The following HDAC4 variants were observed in gnomAD, a reference collection of about 807,000 sequenced individuals.
HDAC4 encodes histone deacetylase 4, also known as histone deacetylase A.
Under a neutral mutation model 135.1 loss-of-function variants are expected in HDAC4, and 16 were observed. The observed-to-expected ratio is 0.12, with a 90% CI of 0.08 to 0.18. The LOEUF (loss-of-function observed/expected upper bound fraction) is 0.18. Among genes scored for constraint, HDAC4 ranks in the 10% least tolerant of loss-of-function variants. HDAC4 has a pLI of 1.00. For missense variants in HDAC4, 1,143 were observed against 1,511.8 expected, an observed-to-expected ratio of 0.76 and a Z score of 4.05; for synonymous variants, 685 against 653.4, an observed-to-expected ratio of 1.05 and a Z score of -0.74.
chr2:239,193,123 G>A (rs1287469402), intron 3 of HDAC4, among the ~76,000 whole-genome samples: 2 of 152,170 alleles, frequency 1.3e-5, no homozygotes, highest in Non-Finnish European at 2.9e-5. Flanking sequence ...CCTGTGTGGG[G>A]GGCCTGGGTG....
At position 239,115,787 on chromosome 2, in the gene HDAC4, G is replaced by A. The variant is rs997156683; in HGVS notation, c.1534-477C>T. Among the ~76,000 whole-genome samples, 6 of 152,166 alleles carry A rather than the reference G, an allele frequency of 3.9e-5. No individual in the cohort carries two copies. Among genetic ancestry groups the A allele is most frequent in the African/African-American group, 1.2e-4 (5 of 41,538 alleles). On this transcript the variant is annotated intron_variant, in intron 12 of 26. Transcript: ENST00000543185. This position sits in a 1 kb window ranked among gnomAD's most constrained non-coding sequence, Gnocchi z 6.3. ...CTGCCCAATCCCACCAACACGCCAC[G>A]GCCTCCCCTCCTGCAGGATCCCACC... is the stretch of plus-strand genomic sequence containing the variant.
chr2:239,054,427 C>T (rs930801626), intron 25 of HDAC4, among the ~76,000 whole-genome samples: 2 of 152,232 alleles, frequency 1.3e-5, no homozygotes, highest in South Asian at 4.1e-4. Context: ...GGTACAGGCT[C>T]ACAGCCATGG....
chr2:239,340,193 C>G lies in HDAC4; in HGVS notation c.22+12485G>C, dbSNP rs114797482. 9.8e-3 allele frequency among the ~76,000 whole-genome samples: 1,498 copies of G among 152,262 alleles called. 24 individuals are homozygous for G. Among genetic ancestry groups the G allele is most frequent in the African/African-American group, 0.034 (1,414 of 41,538 alleles). ...TCCCTGAGCCTCAGCTACACCAAGC[C>G]AGTCACAGGGCAGTGAGCTCAGCTG... is the stretch of plus-strand genomic sequence containing the variant. On this transcript the variant is annotated intron_variant, in intron 2 of 26. Transcript: ENST00000543185.
chr2:239,081,440 T>C (rs1330768626), intron 21 of HDAC4, among the ~76,000 whole-genome samples: 1 of 152,220 alleles, frequency 6.6e-6, no homozygotes, highest in Admixed American at 6.5e-5. Context: ...ACCCTGCCCT[T>C]GGCACACCAA....
rs1693254810 is a variant in HDAC4, at chr2:239,352,891, A to G, written c.-192T>C. 4 of 637,686 alleles carry G rather than the reference A, an allele frequency of 6.3e-6. No homozygotes were observed. 39.5% of individuals were successfully genotyped at this position (637,686 alleles called of 1,614,324 possible). A position where few individuals can be genotyped will look rare whatever the true frequency, so the allele number is the denominator to read the frequency against. On this transcript the variant is annotated 5_prime_UTR_variant, in exon 2 of 27. Transcript: ENST00000543185. This position sits in a 1 kb window ranked among gnomAD's most constrained non-coding sequence, Gnocchi z 4.4. The stretch of plus-strand genomic sequence containing the variant: ...GCCAGGTAACCCACAAGTTGAACAG[A>G]GGCGTCCGCTGGCTTCTGCAGATGA...
chr2:239,099,432 G>A (rs1205572213), intron 16 of HDAC4, among the ~76,000 whole-genome samples: 1 of 152,246 alleles, frequency 6.6e-6, no homozygotes, highest in African/African-American at 2.4e-5. Flanking sequence ...GTGACATCGA[G>A]GCAAAGATCT....
At chr2:239,054,691 T>G (rs2106409733) in intron 25 of HDAC4, 58 bp downstream of exon 25, 1 of 1,046,188 alleles carries the variant, frequency 9.6e-7, no homozygotes, top group African/African-American at 1.6e-5. Context: ...GGATGGGGTG[T>G]GGTGCAGTCC....
chr2:239,239,613 G>A (rs892517071), intron 2 of HDAC4, among the ~76,000 whole-genome samples: 1 of 152,164 alleles, frequency 6.6e-6, no homozygotes, highest in Non-Finnish European at 1.5e-5. Flanking sequence ...TGCCAGGAAC[G>A]AGGACAAAGA....
intron 6 of HDAC4, 31 bp from the exon 7 acceptor site, chr2:239,156,804 T>A (rs1330271922): frequency 6.2e-7 from 1 of 1,613,644 alleles, no homozygotes; most frequent in Non-Finnish European, 8.5e-7. Context: ...GATGGTTTAG[T>A]TTACCCAGCG....
intron 20 of HDAC4, among the ~76,000 whole-genome samples, chr2:239,083,208 C>G (rs1310899049): frequency 1.3e-5 from 2 of 152,242 alleles, no homozygotes; most frequent in East Asian, 1.9e-4. Context: ...GTCTACGCAG[C>G]CTGTCTGCGT....
intron 1 of HDAC4, among the ~76,000 whole-genome samples, chr2:239,394,866 CA>C (rs1696460030): frequency 6.6e-6 from 1 of 152,230 alleles, no homozygotes; most frequent in African/African-American, 2.4e-5. Flanking sequence ...GGGTACAGAG[CA>C]GGCATGAGGC....
At chr2:239,364,245 A>G (rs556429544) in intron 1 of HDAC4, among the ~76,000 whole-genome samples, 1 of 152,354 alleles carries the variant, frequency 6.6e-6, no homozygotes, top group East Asian at 1.9e-4. Flanking sequence ...ACACGGCAGC[A>G]TTATCTGTAA....
rs772906570 is a variant in HDAC4, at chr2:239,082,229, A to T, written c.2533-8T>A. ...GTTTCCATGGTGCACGTCCTTAAAG[A>T]GCAGGGACAACTACTTCAGGGCTGA... On this transcript the variant is annotated splice_region_variant and splice_polypyrimidine_tract_variant and intron_variant, in intron 20 of 26. Coordinates refer to ENST00000543185, the MANE Select transcript of HDAC4 (RefSeq NM_001378414.1). 1 of 1,614,150 alleles carries T rather than the reference A, an allele frequency of 6.2e-7. No homozygotes were observed. Among genetic ancestry groups the T allele is most frequent in the South Asian group, 1.1e-5 (1 of 91,088 alleles).
chr2:239,150,445 G>GACAC (rs1342844723), intron 7 of HDAC4, among the ~76,000 whole-genome samples: 1 of 151,350 alleles, frequency 6.6e-6, no homozygotes, highest in African/African-American at 2.4e-5. Context: ...CAGAAACACA[G>GACAC]ACACACACAC....
chr2:239,230,154 G>C (rs2047458303), intron 3 of HDAC4, among the ~76,000 whole-genome samples: 1 of 151,968 alleles, frequency 6.6e-6, no homozygotes, highest in African/African-American at 2.4e-5. Flanking sequence ...CCAAAAGGAG[G>C]GGGCGTCTAA....
intron 18 of HDAC4, 104 bp from the exon 19 acceptor site, chr2:239,087,718 G>A (rs755369108): frequency 3.7e-6 from 4 of 1,073,094 alleles, no homozygotes; most frequent in Non-Finnish European, 5.6e-6. Flanking sequence ...GGGCTACACA[G>A]GAGGACAGTT....
At chr2:239,392,462 T>A (rs112132886) in intron 1 of HDAC4, among the ~76,000 whole-genome samples, 3 of 152,202 alleles carry the variant, frequency 2.0e-5, no homozygotes, top group African/African-American at 7.2e-5. Context: ...GGTTTTAATA[T>A]GCCAGAACCT....
At chr2:239,289,363 G>GC (rs1310691963) in intron 2 of HDAC4, among the ~76,000 whole-genome samples, 1 of 152,158 alleles carries the variant, frequency 6.6e-6, no homozygotes, top group East Asian at 1.9e-4. Flanking sequence ...CAAAAGAAAA[G>GC]GTCTGTGTTT....
At position 239,081,132 on chromosome 2, in the gene HDAC4, G is replaced by T. The variant is rs2035278211; in HGVS notation, c.2713C>A (p.Pro905Thr). 6.2e-7 allele frequency: 1 copy of T among 1,614,038 alleles called. No homozygotes were observed. Among genetic ancestry groups the T allele is most frequent in the Non-Finnish European group, 8.5e-7 (1 of 1,180,014 alleles). Reference protein sequence around the residue: ...VNMAFTGGLDPPMGDAEYLAA... With the variant: ...VNMAFTGGLDTPMGDAEYLAA... ...AAGTACTCAGCGTCTCCCATGGGGG[G>T]GTCCAGGCCGCCGGTGAAAGCCATG... The change falls in exon 22 of 27, where the codon CCC (proline) becomes ACC (threonine). Residue 905 changes from proline (P) to threonine (T), a missense_variant. Physicochemically the swap from Pro to Thr is conservative, Grantham distance 38. Transcript: ENST00000543185.
Sources: allele counts gnomAD v4.1 joint callset (sites outside exome capture counted in the v4.1 genomes callset), GRCh38; gene constraint gnomAD v4.1.1; non-coding constraint Gnocchi (gnomAD v3.1); transcripts MANE v1.5; gene names NCBI Gene and HGNC (gene_info 2026-07-23, HGNC 2026-07-21).